The following CPNE4 variants were observed in gnomAD, a reference collection of about 807,000 sequenced individuals.
The protein encoded by CPNE4 is copine 4, also known as copine-4.
In CPNE4, 25 loss-of-function variants were observed where a neutral mutation model predicts 67.9. The ratio of observed to expected loss-of-function variants is 0.37; its 90% CI spans 0.27 to 0.51. CPNE4 has a LOEUF of 0.51. CPNE4 is among the 20% of genes least tolerant of loss of function. The pLI, the probability that CPNE4 is intolerant of heterozygous loss-of-function variation, is 0.93. For missense variants in CPNE4, 464 were observed against 690.8 expected, an observed-to-expected ratio of 0.67 and a Z score of 3.68; for synonymous variants, 242 against 244.9, an observed-to-expected ratio of 0.99 and a Z score of 0.11.
chr3:131,610,233 A>G (rs934209807), intron 7 of CPNE4, among the ~76,000 whole-genome samples: 1 of 152,220 alleles, frequency 6.6e-6, no homozygotes, highest in Non-Finnish European at 1.5e-5. Flanking sequence ...ATAATCTAGC[A>G]AGAAACACAG....
chr3:131,789,868 C>A (rs1014057366), intron 2 of CPNE4, among the ~76,000 whole-genome samples: 5 of 152,240 alleles, frequency 3.3e-5, no homozygotes, highest in African/African-American at 1.2e-4. Context: ...ACCTTAGAAG[C>A]ACAAAGAAGG....
chr3:131,663,056 C>T (rs2080166476), intron 7 of CPNE4, among the ~76,000 whole-genome samples: 1 of 152,148 alleles, frequency 6.6e-6, no homozygotes, highest in African/African-American at 2.4e-5. Flanking sequence ...GACTTGGAAC[C>T]AACCCAAATG....
At chr3:131,613,876 A>G (rs1326383672) in intron 7 of CPNE4, among the ~76,000 whole-genome samples, 3 of 152,160 alleles carry the variant, frequency 2.0e-5, no homozygotes, top group Non-Finnish European at 4.4e-5. Flanking sequence ...GGATTCTACA[A>G]GATATTTTTT....
intron 1 of CPNE4, among the ~76,000 whole-genome samples, chr3:131,978,245 A>C (rs1239922645): frequency 4.3e-4 from 5 of 11,654 alleles, no homozygotes; most frequent in African/African-American, 1.9e-3. Flanking sequence ...ATATATATTT[A>C]TATAAATATA....
At chr3:131,815,780 C>A (rs2084714214) in intron 2 of CPNE4, among the ~76,000 whole-genome samples, 1 of 152,166 alleles carries the variant, frequency 6.6e-6, no homozygotes, top group Admixed American at 6.5e-5. Context: ...GGGGAACAAA[C>A]AAGGGGTTGC....
intron 1 of CPNE4, among the ~76,000 whole-genome samples, chr3:131,968,607 CTCA>C (rs1368408431): frequency 2.0e-5 from 3 of 152,182 alleles, no homozygotes; most frequent in Non-Finnish European, 4.4e-5. Flanking sequence ...TGAAAAAAAG[CTCA>C]TCATCACTGG....
At chr3:131,719,798 G>A (rs763650784) in intron 3 of CPNE4, among the ~76,000 whole-genome samples, 3 of 152,204 alleles carry the variant, frequency 2.0e-5, no homozygotes, top group Non-Finnish European at 4.4e-5. Flanking sequence ...TGGCTGTAGT[G>A]GTTCCAGGAA....
chr3:131,977,974 C>T (rs2072713382), intron 1 of CPNE4, among the ~76,000 whole-genome samples: 2 of 144,926 alleles, frequency 1.4e-5, no homozygotes, highest in Admixed American at 7.2e-5. Context: ...GAATAATAGC[C>T]TTTAATCTCA....
At chr3:131,759,544 A>T (rs952586632) in intron 2 of CPNE4, among the ~76,000 whole-genome samples, 2 of 152,130 alleles carry the variant, frequency 1.3e-5, no homozygotes, top group Non-Finnish European at 2.9e-5. Context: ...AAACAAATGG[A>T]CATGGAGCCC....
rs921532034 is a variant in CPNE4, at chr3:131,968,034, C to T, written c.-1-62590G>A. On this transcript the variant is annotated intron_variant, in intron 1 of 15. Transcript: ENST00000429747. The stretch of plus-strand genomic sequence containing the variant: ...TATATAGACCAACGGAACAGAACAG[C>T]GGCCTCAGAAATAACACCACACATC... Among the ~76,000 whole-genome samples the T allele has an allele frequency of 5.3e-5, 8 of 152,068 alleles. No homozygotes were observed. The East Asian group carries it at 7.7e-4, about 15-fold the overall frequency.
intron 1 of CPNE4, among the ~76,000 whole-genome samples, chr3:131,975,666 T>A (rs2072630420): frequency 6.6e-6 from 1 of 152,158 alleles, no homozygotes; most frequent in Non-Finnish European, 1.5e-5. Flanking sequence ...CTGAAAAGAA[T>A]CAGGTAATTT....
chr3:131,843,603 G>A (rs889360299), intron 2 of CPNE4, among the ~76,000 whole-genome samples: 2 of 152,228 alleles, frequency 1.3e-5, no homozygotes, highest in Non-Finnish European at 2.9e-5. Context: ...CAGGCTGTTT[G>A]AACAGGTAGT....
At chr3:131,636,379 A>G (rs749885568) in intron 7 of CPNE4, among the ~76,000 whole-genome samples, 14 of 152,014 alleles carry the variant, frequency 9.2e-5, no homozygotes, top group South Asian at 2.1e-4. Flanking sequence ...TCTTTCCTCT[A>G]TTTCTCTGGT....
intron 3 of CPNE4, among the ~76,000 whole-genome samples, chr3:131,712,363 G>A (rs2081579985): frequency 6.6e-6 from 1 of 152,086 alleles, no homozygotes. Flanking sequence ...CAGTCTCTTG[G>A]CCTGTAAAGA....
At chr3:131,705,284 G>T (rs2081390900) in intron 3 of CPNE4, among the ~76,000 whole-genome samples, 1 of 152,142 alleles carries the variant, frequency 6.6e-6, no homozygotes, top group Non-Finnish European at 1.5e-5. Flanking sequence ...TGGGGAGCTT[G>T]TTAGAAATGC....
chr3:131,957,708 C>T (rs2072018702), intron 1 of CPNE4, among the ~76,000 whole-genome samples: 1 of 152,070 alleles, frequency 6.6e-6, no homozygotes. Flanking sequence ...ATTTTTGCTC[C>T]AAAGAAGGGC....
chr3:131,998,553 G>A (rs1291564828), intron 1 of CPNE4, among the ~76,000 whole-genome samples: 1 of 152,124 alleles, frequency 6.6e-6, no homozygotes, highest in Non-Finnish European at 1.5e-5. Context: ...GAACGTGTTT[G>A]AGGAATTGGA....
At chr3:131,807,155 G>C (rs1028486221) in intron 2 of CPNE4, among the ~76,000 whole-genome samples, 5 of 152,104 alleles carry the variant, frequency 3.3e-5, no homozygotes, top group African/African-American at 1.2e-4. Flanking sequence ...GGGACACAGT[G>C]ACCCTCTAGA....
chr3:132,026,208 AC>A (rs1170153319), intron 1 of CPNE4, among the ~76,000 whole-genome samples: 6 of 152,224 alleles, frequency 3.9e-5, no homozygotes, highest in Non-Finnish European at 8.8e-5. Flanking sequence ...ATGGAGATGC[AC>A]CCAGAGTGAC....
Sources: gnomAD v4.1 joint callset for allele counts (sites outside exome capture counted in the v4.1 genomes callset) on GRCh38, gnomAD v4.1.1 for gene constraint, MANE v1.5 for transcripts, NCBI Gene and HGNC (gene_info 2026-07-23, HGNC 2026-07-21) for gene names.